PACS2: variants seen among roughly 807,000 people sequenced by gnomAD.
The protein encoded by PACS2 is PACS1-like protein.
In PACS2, 36 loss-of-function variants were observed where a neutral mutation model predicts 113.0. That is an observed-to-expected ratio of 0.32 (90% CI 0.24 to 0.42). The LOEUF (loss-of-function observed/expected upper bound fraction) is 0.42. Ranked by LOEUF, PACS2 falls within the 10% of genes least tolerant of loss-of-function variation. PACS2 has a pLI of 1.00. For missense variants in PACS2, 1,015 were observed against 1,239.5 expected (o/e 0.82, Z 2.72); for synonymous variants, 589 against 536.1 (o/e 1.10, Z -1.36).
chr14:105,320,813 A>G (rs2058856857), intron 1 of PACS2, among the ~76,000 whole-genome samples: 1 of 152,210 alleles, frequency 6.6e-6, no homozygotes, highest in Non-Finnish European at 1.5e-5. Flanking sequence ...CTTATGTAAA[A>G]TTGGAATCAT....
intron 14 of PACS2, 101 bp from the exon 15 acceptor site, chr14:105,382,706 G>A (rs946424521): frequency 2.1e-5 from 20 of 953,444 alleles, no homozygotes; most frequent in Non-Finnish European, 3.1e-5. Context: ...GCCTGGACGT[G>A]CCTGGGGTCT....
In PACS2 at chr14:105,314,943, C is replaced by A; in HGVS notation, c.25C>A (p.Leu9Ile). The change falls in exon 1 of 25, where the codon CTC (leucine) becomes ATC (isoleucine). Residue 9 changes from leucine to isoleucine, a missense_variant. Leu to Ile is a conservative substitution (Grantham distance 5). This residue lies in a region of PACS2 where 140 missense variants were observed against 135.1 expected (regional missense o/e 1.04). Coordinates refer to ENST00000447393, the MANE Select transcript of PACS2 (RefSeq NM_001100913.3). Reference sequence around the variant, plus strand: ...CATGGCCGAGCGAGGCCGCCTCGGCCTCCCCGGCGCGCCCGGCGCGCTCAA... The same window carrying A: ...CATGGCCGAGCGAGGCCGCCTCGGCATCCCCGGCGCGCCCGGCGCGCTCAA... MAERGRLG[L>I]PGAPGALNTP... 8.6e-7 allele frequency: 1 copy of A among 1,160,626 alleles called. No homozygotes were observed. Among genetic ancestry groups the A allele is most frequent in the Non-Finnish European group, 1.1e-6 (1 of 925,192 alleles). 71.9% of individuals were successfully genotyped at this position (1,160,626 alleles called of 1,614,324 possible).
At chr14:105,345,150 G>A (rs782194142) in intron 1 of PACS2, among the ~76,000 whole-genome samples, 1 of 151,912 alleles carries the variant, frequency 6.6e-6, no homozygotes, top group East Asian at 1.9e-4. Flanking sequence ...CTCAACGCCT[G>A]TAATCCCAGC....
In PACS2 at chr14:105,376,651, G is replaced by A. The variant is rs587601095; in HGVS notation, c.802-117G>A. ...GACTACAGCCGTGCTGAGTGGAGGG[G>A]TTTGGTGGCTGGGTGCCCGCCTCCT... On this transcript the variant is annotated intron_variant, in intron 8 of 24. Coordinates refer to ENST00000447393, the MANE Select transcript of PACS2 (RefSeq NM_001100913.3). The surrounding 1 kb of genome is among the most constrained non-coding windows in gnomAD (Gnocchi z 4.7). 7.8e-6 allele frequency: 7 copies of A among 893,600 alleles called. No homozygotes were observed. In the African/African-American group the frequency reaches 8.4e-5, roughly 11 times the overall value. The allele number at this position is 893,600 out of a possible 1,614,324, so 55.4% of individuals were successfully genotyped here. A position where few individuals can be genotyped will look rare whatever the true frequency, so the allele number is the denominator to read the frequency against.
At chr14:105,337,877 G>C (rs1053362991) in intron 1 of PACS2, among the ~76,000 whole-genome samples, 3 of 152,234 alleles carry the variant, frequency 2.0e-5, no homozygotes, top group Non-Finnish European at 4.4e-5. Context: ...GCTCCGTTGG[G>C]ACATAGGGAC....
rs1343971390 is a variant in PACS2 at position 105,321,945 on chromosome 14, C to CT, written c.119+6920dup. Among the ~76,000 whole-genome samples the CT allele has an allele frequency of 3.0e-3, 429 of 142,816 alleles. 2 individuals carry two copies. The highest frequency in any genetic ancestry group is 8.8e-3 in the African/African-American group (346 of 39,238). The allele number at this position is 142,816 out of a possible 152,430, so 93.7% of individuals were successfully genotyped here. A position where few individuals can be genotyped will look rare whatever the true frequency, so the allele number is the denominator to read the frequency against. On this transcript the variant is annotated intron_variant, in intron 1 of 24. Coordinates refer to ENST00000447393, the MANE Select transcript of PACS2 (RefSeq NM_001100913.3). Reference sequence around the variant, plus strand: ...TTTCATTCACTCTGACCTTTTCTGACTTTTTTTTTTTTGAGACAGAGTCTC... The same window carrying CT: ...TTTCATTCACTCTGACCTTTTCTGACTTTTTTTTTTTTTGAGACAGAGTCTC...
intron 7 of PACS2, among the ~76,000 whole-genome samples, chr14:105,369,400 C>A (rs2061068429): frequency 6.6e-6 from 1 of 152,190 alleles, no homozygotes; most frequent in African/African-American, 2.4e-5. Flanking sequence ...GTGGCTGGAG[C>A]CGAGGTTCTG....
chr14:105,384,893 G>A lies in PACS2; in HGVS notation c.1906G>A (p.Asp636Asn). 6.3e-7 allele frequency: 1 copy of A among 1,589,452 alleles called. No individual in the cohort carries two copies. Among genetic ancestry groups the A allele is most frequent in the Middle Eastern group, 1.7e-4 (1 of 6,028 alleles). The change falls in exon 18 of 25, where the codon GAC becomes AAC. Residue 636 changes from aspartate (D) to asparagine (N), a missense_variant. Around this residue, in one of 3 missense-constraint regions of PACS2, gnomAD observed 859 missense variants for 1,056.8 expected, o/e 0.81. Coordinates refer to ENST00000447393, the MANE Select transcript of PACS2 (RefSeq NM_001100913.3). ...EAQSAVQDTP[D>N]IVSRITQYIA... ...TCCCCCTGCAGTACAGGACACGCCA[G>A]ACATTGTGTCACGCATCACGCAGTA... is the stretch of plus-strand genomic sequence containing the variant.
chr14:105,353,372 T>C (rs1285690410), intron 3 of PACS2, among the ~76,000 whole-genome samples: 20 of 85,434 alleles, frequency 2.3e-4, no homozygotes, highest in Non-Finnish European at 4.2e-4. Context: ...CCTGGGGTGA[T>C]GGCCCCCCCT....
intron 4 of PACS2, among the ~76,000 whole-genome samples, chr14:105,362,282 G>A (rs1278471752): frequency 2.6e-5 from 4 of 151,630 alleles, no homozygotes; most frequent in East Asian, 1.9e-4. Context: ...GCTGGGCGTG[G>A]TGGCGGGCGC....
chr14:105,387,316 G>A (rs1238512867), intron 19 of PACS2, among the ~76,000 whole-genome samples: 2 of 152,224 alleles, frequency 1.3e-5, no homozygotes, highest in African/African-American at 2.4e-5. Context: ...CTCCTCTGCC[G>A]AGAATGGCAC....
chr14:105,374,101 G>T (rs2061256514), intron 8 of PACS2, among the ~76,000 whole-genome samples: 1 of 150,002 alleles, frequency 6.7e-6, no homozygotes. Flanking sequence ...GTTGCAGTGA[G>T]CCAACATTGC....
chr14:105,361,350 A>T (rs1941987207), intron 4 of PACS2, among the ~76,000 whole-genome samples: 1 of 152,096 alleles, frequency 6.6e-6, no homozygotes, highest in African/African-American at 2.4e-5. Context: ...AAAAAAAGAA[A>T]AAAAGGCTGG....
rs1555405266 is a variant in PACS2, at chr14:105,355,984, C to T, written c.423+807C>T. Among the ~76,000 whole-genome samples the T allele has an allele frequency of 1.3e-5, 2 of 152,138 alleles. No homozygotes were observed. Among genetic ancestry groups the T allele is most frequent in the Admixed American group, 1.3e-4 (2 of 15,278 alleles). ...CCAGGGGCTGCGGGCGTGAGTGGTG[C>T]TTGGGGCATGTGAAGCTGGGTTGCT... On this transcript the variant is annotated intron_variant, in intron 4 of 24. Transcript: ENST00000447393. The surrounding 1 kb of genome is among the most constrained non-coding windows in gnomAD (Gnocchi z 4.1).
intron 3 of PACS2, among the ~76,000 whole-genome samples, chr14:105,353,564 T>G (rs2141041553): frequency 6.6e-6 from 1 of 152,200 alleles, no homozygotes; most frequent in Non-Finnish European, 1.5e-5. Flanking sequence ...TTGTATTTGT[T>G]TATTAGGTTG....
chr14:105,382,015 A>C lies in PACS2; in HGVS notation c.1370A>C (p.Glu457Ala). 6.5e-7 allele frequency: 1 copy of C among 1,549,950 alleles called. No homozygotes were observed. The highest frequency in any genetic ancestry group is 8.7e-7 in the Non-Finnish European group (1 of 1,147,202). The change falls in exon 13 of 25, where the codon GAG (glutamate) becomes GCG (alanine). Residue 457 changes from glutamate (E) to alanine (A), a missense_variant. Physicochemically the swap from Glu to Ala is moderately radical, Grantham distance 107 (BLOSUM62 -1). This residue lies in a region of PACS2 where 859 missense variants were observed against 1,056.8 expected (regional missense o/e 0.81). Coordinates refer to ENST00000447393, the MANE Select transcript of PACS2 (RefSeq NM_001100913.3). ...GAGCGGGCCAACAGCCTGGACAACGAGCGCTGCCCGGACGCCCGGAGCCAG... is the reference window on the plus strand; with the variant it reads ...GAGCGGGCCAACAGCCTGGACAACGCGCGCTGCCCGGACGCCCGGAGCCAG... ...QNERANSLDNERCPDARSQLQ... is the reference protein window; with the variant it reads ...QNERANSLDNARCPDARSQLQ...
chr14:105,367,097 G>T, intron 4 of PACS2, 116 bp from the exon 5 acceptor site: 2 of 911,448 alleles, frequency 2.2e-6, no homozygotes, highest in Non-Finnish European at 1.7e-6. Context: ...CCCTGCTGAG[G>T]GTCCCCCTTG....
chr14:105,363,172 G>A (rs1426247545), intron 4 of PACS2, among the ~76,000 whole-genome samples: 1 of 152,172 alleles, frequency 6.6e-6, no homozygotes, highest in African/African-American at 2.4e-5. Flanking sequence ...TTTCAGGAAT[G>A]GTAAATGAGC....
chr14:105,319,360 A>G (rs587700610), intron 1 of PACS2, among the ~76,000 whole-genome samples: 42 of 152,354 alleles, frequency 2.8e-4, no homozygotes, highest in Non-Finnish European at 5.1e-4. Context: ...GAGTCTTCTC[A>G]TTCATGATCA....
Sources: gnomAD v4.1 joint callset for allele counts (sites outside exome capture counted in the v4.1 genomes callset) on GRCh38, gnomAD v4.1.1 for gene constraint, gnomAD v4.1.1 regional missense constraint, Gnocchi (gnomAD v3.1) non-coding constraint, MANE v1.5 for transcripts, NCBI Gene and HGNC (gene_info 2026-07-23, HGNC 2026-07-21) for gene names.